Variants in ELK3 observed in about 807,000 individuals in gnomAD.
ELK3 encodes ETS transcription factor ELK3.
A neutral mutation model predicts 28.9 loss-of-function variants in ELK3; 10 were observed. The ratio of observed to expected loss-of-function variants is 0.35; its 90% CI spans 0.21 to 0.59. The LOEUF is 0.59. ELK3 is among the 20% of genes least tolerant of loss of function. The pLI, the probability that ELK3 is intolerant of heterozygous loss-of-function variation, is 0.82. For missense variants in ELK3, 463 were observed against 517.3 expected (o/e 0.90, Z 1.02); for synonymous variants, 272 against 243.5 (o/e 1.12, Z -1.09).
intron 1 of ELK3, among the ~76,000 whole-genome samples, chr12:96,198,626 C>A (rs1951487898): frequency 6.6e-6 from 1 of 152,130 alleles, no homozygotes; most frequent in African/African-American, 2.4e-5. Context: ...ATAGTATCTT[C>A]TAAAGGTTGG....
At chr12:96,201,673 T>C in intron 1 of ELK3, among the ~76,000 whole-genome samples, 1 of 151,988 alleles carries the variant, frequency 6.6e-6, no homozygotes, top group Non-Finnish European at 1.5e-5. Flanking sequence ...CTGCTATATT[T>C]GGAGGAAAGG....
At chr12:96,218,372 G>A (rs1450899657) in intron 1 of ELK3, among the ~76,000 whole-genome samples, 1 of 152,154 alleles carries the variant, frequency 6.6e-6, no homozygotes, top group Non-Finnish European at 1.5e-5. Flanking sequence ...GTTCGATTCT[G>A]CAAAAAGAAT....
intron 2 of ELK3, among the ~76,000 whole-genome samples, chr12:96,230,710 G>A (rs568811226): frequency 7.2e-5 from 11 of 152,166 alleles, no homozygotes. Flanking sequence ...AAGAAAAGGC[G>A]ACCCTGGGGG....
At chr12:96,248,487 A>G (rs745308564) in intron 3 of ELK3, among the ~76,000 whole-genome samples, 4 of 152,156 alleles carry the variant, frequency 2.6e-5, no homozygotes, top group Non-Finnish European at 5.9e-5. Flanking sequence ...ATTGGATGCA[A>G]TTTTAGTGGC....
intron 4 of ELK3, among the ~76,000 whole-genome samples, chr12:96,263,414 C>CA (rs1952007674): frequency 6.6e-6 from 1 of 152,148 alleles, no homozygotes; most frequent in African/African-American, 2.4e-5. Context: ...ACTTTTGAAA[C>CA]AGATTTTGTT....
At chr12:96,232,133 G>T (rs756105155) in intron 2 of ELK3, among the ~76,000 whole-genome samples, 2 of 152,182 alleles carry the variant, frequency 1.3e-5, no homozygotes, top group African/African-American at 4.8e-5. Flanking sequence ...GTGAGTAAAG[G>T]CAGGGACGTG....
intron 1 of ELK3, among the ~76,000 whole-genome samples, chr12:96,211,519 G>A (rs1335807332): frequency 6.6e-6 from 1 of 151,570 alleles, no homozygotes; most frequent in East Asian, 1.9e-4. Context: ...GTGTGTGTGT[G>A]TGTGTGTATC....
At chr12:96,248,765 C>G (rs578078598) in intron 3 of ELK3, among the ~76,000 whole-genome samples, 1 of 152,222 alleles carries the variant, frequency 6.6e-6, no homozygotes, top group African/African-American at 2.4e-5. Context: ...GGGCTCCCCA[C>G]GTGTGCCAGG....
At chr12:96,198,729 C>T (rs1592666282) in intron 1 of ELK3, among the ~76,000 whole-genome samples, 1 of 152,058 alleles carries the variant, frequency 6.6e-6, no homozygotes, top group Non-Finnish European at 1.5e-5. Flanking sequence ...TCCCATAATT[C>T]CACTGTTTAC....
chr12:96,241,888 A>G (rs1054795674), intron 2 of ELK3, among the ~76,000 whole-genome samples: 12 of 152,234 alleles, frequency 7.9e-5, no homozygotes, highest in Non-Finnish European at 4.4e-5. Flanking sequence ...AATTGGTCCC[A>G]TCCTTGCTGC....
chr12:96,236,363 C>T (rs1192905491), intron 2 of ELK3, among the ~76,000 whole-genome samples: 5 of 152,304 alleles, frequency 3.3e-5, no homozygotes, highest in African/African-American at 1.2e-4. Context: ...GCCACGTGTA[C>T]TCAGGCAGCA....
intron 3 of ELK3, among the ~76,000 whole-genome samples, chr12:96,253,831 T>C (rs934451582): frequency 1.3e-5 from 2 of 152,204 alleles, no homozygotes; most frequent in Non-Finnish European, 2.9e-5. Context: ...TGGGAGATAA[T>C]CACTGAAAAC....
chr12:96,232,081 G>T (rs943196355), intron 2 of ELK3, among the ~76,000 whole-genome samples: 1 of 152,168 alleles, frequency 6.6e-6, no homozygotes, highest in Non-Finnish European at 1.5e-5. Context: ...GAGTTTACCC[G>T]GCTGAAAAAA....
chr12:96,244,433 A>G (rs921283543), intron 2 of ELK3, among the ~76,000 whole-genome samples: 16 of 150,442 alleles, frequency 1.1e-4, no homozygotes, highest in Non-Finnish European at 4.4e-5. Context: ...TTCCAAACCT[A>G]TAAGAAAATT....
At position 96,247,079 on chromosome 12, in the gene ELK3, C is replaced by T. The variant is rs140037312; in HGVS notation, c.347C>T (p.Pro116Leu). The change falls in exon 3 of 5, where the codon CCG (proline) becomes CTG (leucine). Residue 116 changes from proline to leucine, a missense_variant. Transcript: ENST00000228741. The surrounding 1 kb of genome is among the most constrained non-coding windows in gnomAD (Gnocchi z 5.5). ...CAGGACAGCGACTGCAAGGCGTCTC[C>T]GGAGGGCCGCGAGGCCCACAAACAC... Reference protein sequence around the residue: ...LLQDSDCKASPEGREAHKHGL... With the variant: ...LLQDSDCKASLEGREAHKHGL... 1.9e-4 allele frequency: 310 copies of T among 1,613,778 alleles called. No individual in the cohort carries two copies. Among genetic ancestry groups the T allele is most frequent in the South Asian group, 3.1e-4 (28 of 91,070 alleles).
chr12:96,246,869 C>G, intron 2 of ELK3, 71 bp from the exon 3 acceptor site: 1 of 1,464,210 alleles, frequency 6.8e-7, no homozygotes, highest in Non-Finnish European at 9.2e-7. Flanking sequence ...GCGACATTTA[C>G]CATTATCATG....
chr12:96,246,534 A>C (rs1592686022), intron 2 of ELK3, among the ~76,000 whole-genome samples: 1 of 152,236 alleles, frequency 6.6e-6, no homozygotes, highest in Non-Finnish European at 1.5e-5. Flanking sequence ...GGTGGCATGT[A>C]CCTGTAGTCC....
chr12:96,208,541 T>A (rs1274974624), intron 1 of ELK3, among the ~76,000 whole-genome samples: 1 of 152,220 alleles, frequency 6.6e-6, no homozygotes, highest in African/African-American at 2.4e-5. Context: ...TCAAGAGTTC[T>A]TGTTGCTTCA....
Position 96,247,352 on chromosome 12 carries a change from C to G in ELK3, c.620C>G (p.Ala207Gly). The change falls in exon 3 of 5, where the codon GCT (alanine) becomes GGT (glycine). Residue 207 changes from alanine (A) to glycine (G), a missense_variant. Around this residue, in one of 2 missense-constraint regions of ELK3, gnomAD observed 408 missense variants for 414.8 expected, o/e 0.98. Transcript: ENST00000228741. This position sits in a 1 kb window ranked among gnomAD's most constrained non-coding sequence, Gnocchi z 5.5. ...GTGTCCCTGCCTTCCACGTCAGAGG[C>G]TGCGGCGGCGTCCGCCTTCCTGGCC... ...PVVSLPSTSEAAAASAFLASS... is the reference protein window; with the variant it reads ...PVVSLPSTSEGAAASAFLASS... 1.9e-6 allele frequency: 3 copies of G among 1,614,224 alleles called. No individual in the cohort carries two copies. The highest frequency in any genetic ancestry group is 1.7e-5 in the Admixed American group (1 of 60,034).
Sources: gnomAD v4.1 joint callset for allele counts (sites outside exome capture counted in the v4.1 genomes callset) on GRCh38, gnomAD v4.1.1 for gene constraint, gnomAD v4.1.1 regional missense constraint, Gnocchi (gnomAD v3.1) non-coding constraint, MANE v1.5 for transcripts, NCBI Gene and HGNC (gene_info 2026-07-23, HGNC 2026-07-21) for gene names.